The following EFNA5 variants were observed in gnomAD, a reference collection of about 807,000 sequenced individuals.
EFNA5 encodes ephrin-A5.
A neutral mutation model predicts 22.9 loss-of-function variants in EFNA5; 5 were observed. That is an observed-to-expected ratio of 0.22 (90% confidence interval 0.11 to 0.46). EFNA5 has a LOEUF of 0.46. Among genes scored for constraint, EFNA5 ranks in the 20% least tolerant of loss-of-function variants. The pLI, the probability that EFNA5 is intolerant of heterozygous loss-of-function variation, is 0.99. For synonymous variants in EFNA5, 113 were observed against 112.2 expected (o/e 1.01, Z -0.04); for missense variants, 237 against 293.3 (o/e 0.81, Z 1.40).
At chr5:107,435,593 T>C (rs1402614865) in intron 1 of EFNA5, among the ~76,000 whole-genome samples, 1 of 152,182 alleles carries the variant, frequency 6.6e-6, no homozygotes, top group Admixed American at 6.5e-5. Flanking sequence ...AGACCTTATA[T>C]GATGACCAAA....
chr5:107,521,103 C>A (rs1009156563), intron 1 of EFNA5, among the ~76,000 whole-genome samples: 1 of 152,046 alleles, frequency 6.6e-6, no homozygotes, highest in Non-Finnish European at 1.5e-5. Context: ...GATAAACGAA[C>A]TCATTGTGAG....
rs186280756 is a variant in EFNA5 at position 107,394,287 on chromosome 5, T to C, written c.419-6516A>G. ...AGCCCACTGCGTCTCAAGACTTAAA[T>C]CATGGGCAGGTTAAGGTCAGAGCCC... On this transcript the variant is annotated intron_variant, in intron 2 of 4. Coordinates refer to ENST00000333274, the MANE Select transcript of EFNA5 (RefSeq NM_001962.3). Among the ~76,000 whole-genome samples, 868 of 152,216 alleles carry C rather than the reference T, an allele frequency of 5.7e-3. 19 individuals carry two copies. The highest frequency in any genetic ancestry group is 0.051 in the Admixed American group (787 of 15,292).
intron 1 of EFNA5, among the ~76,000 whole-genome samples, chr5:107,472,995 T>A (rs1750185462): frequency 6.6e-6 from 1 of 152,028 alleles, no homozygotes; most frequent in Admixed American, 6.6e-5. Context: ...CCAGTCTCCC[T>A]CCCCCCAGCA....
intron 1 of EFNA5, among the ~76,000 whole-genome samples, chr5:107,469,370 A>G (rs1750077382): frequency 6.8e-6 from 1 of 147,590 alleles, no homozygotes; most frequent in South Asian, 2.1e-4. Flanking sequence ...GATTGATCTA[A>G]TTTTGGTATT....
chr5:107,591,951 A>AATATATAATATATATAATATATAAT (rs1749356256), intron 1 of EFNA5, among the ~76,000 whole-genome samples: 1 of 12,376 alleles, frequency 8.1e-5, no homozygotes, highest in Non-Finnish European at 1.1e-4. Context: ...TATTATATAT[A>AATATATAATATATATAATATATAAT]ATATATAATA....
intron 1 of EFNA5, among the ~76,000 whole-genome samples, chr5:107,480,661 G>C (rs904562282): frequency 1.3e-5 from 2 of 152,154 alleles, no homozygotes; most frequent in African/African-American, 4.8e-5. Flanking sequence ...AGCAAATAAA[G>C]CCTTAAAGAC....
intron 1 of EFNA5, among the ~76,000 whole-genome samples, chr5:107,633,888 C>T (rs1750314820): frequency 6.6e-6 from 1 of 152,122 alleles, no homozygotes; most frequent in African/African-American, 2.4e-5. Flanking sequence ...ATTTTTGGCC[C>T]TAGATCTAGC....
chr5:107,384,432 A>G (rs372225085), intron 4 of EFNA5, among the ~76,000 whole-genome samples: 1 of 152,334 alleles, frequency 6.6e-6, no homozygotes, highest in East Asian at 1.9e-4. Context: ...CAAGCAAACA[A>G]AAAAGACAAA....
intron 1 of EFNA5, among the ~76,000 whole-genome samples, chr5:107,575,696 A>T (rs564045576): frequency 6.6e-6 from 1 of 152,312 alleles, no homozygotes; most frequent in East Asian, 1.9e-4. Flanking sequence ...CTTACCCTTG[A>T]GGAGTTTACA....
chr5:107,516,364 G>A (rs993832467), intron 1 of EFNA5, among the ~76,000 whole-genome samples: 1 of 151,818 alleles, frequency 6.6e-6, no homozygotes, highest in Non-Finnish European at 1.5e-5. Flanking sequence ...AAGCAGCCAC[G>A]ATATACAGGA....
At chr5:107,428,415 AC>A (rs1429195175) in intron 1 of EFNA5, among the ~76,000 whole-genome samples, 6 of 152,282 alleles carry the variant, frequency 3.9e-5, no homozygotes, top group African/African-American at 1.4e-4. Flanking sequence ...CTGAATACAC[AC>A]ACCTCCCACC....
chr5:107,601,059 A>G (rs1188923021), intron 1 of EFNA5, among the ~76,000 whole-genome samples: 1 of 152,230 alleles, frequency 6.6e-6, no homozygotes, highest in Non-Finnish European at 1.5e-5. Context: ...CCTATAAAGT[A>G]TGTGGAAAAC....
chr5:107,509,228 T>TACAG (rs1747312404), intron 1 of EFNA5, among the ~76,000 whole-genome samples: 1 of 152,180 alleles, frequency 6.6e-6, no homozygotes, highest in African/African-American at 2.4e-5. Context: ...GATACCCTTT[T>TACAG]ACAGACTCTT....
At chr5:107,539,441 A>C (rs1242363997) in intron 1 of EFNA5, among the ~76,000 whole-genome samples, 2 of 152,144 alleles carry the variant, frequency 1.3e-5, no homozygotes, top group Non-Finnish European at 2.9e-5. Context: ...AAGCAGGGGA[A>C]GGAGAATCAC....
At chr5:107,457,824 C>T (rs1270659610) in intron 1 of EFNA5, among the ~76,000 whole-genome samples, 1 of 152,192 alleles carries the variant, frequency 6.6e-6, no homozygotes, top group Admixed American at 6.5e-5. Flanking sequence ...ACAACAAAAA[C>T]ATAGTGATCC....
rs186130486 is a variant in EFNA5 at position 107,542,911 on chromosome 5, G to A, written c.126-115402C>T. Among the ~76,000 whole-genome samples the A allele has an allele frequency of 2.2e-4, 33 of 151,994 alleles. No homozygotes were observed. In the East Asian group the frequency reaches 4.5e-3, roughly 21 times the overall value. On this transcript the variant is annotated intron_variant, in intron 1 of 4. Transcript: ENST00000333274. Reference sequence around the variant, plus strand: ...TATGTGTGACTTGTTCTTTCTATCCGGAATCACTCGGTTCAAATGCTCAGA... The same window carrying A: ...TATGTGTGACTTGTTCTTTCTATCCAGAATCACTCGGTTCAAATGCTCAGA...
At chr5:107,564,631 G>GTTTT (rs34585445) in intron 1 of EFNA5, among the ~76,000 whole-genome samples, 10 of 115,034 alleles carry the variant, frequency 8.7e-5, no homozygotes, top group African/African-American at 2.3e-4. Flanking sequence ...TTGGGTTTTT[G>GTTTT]TTTTTTTTTT....
chr5:107,629,182 CAAA>C (rs1159722472), intron 1 of EFNA5, among the ~76,000 whole-genome samples: 5 of 151,776 alleles, frequency 3.3e-5, no homozygotes, highest in African/African-American at 4.8e-5. Context: ...TCTACACACA[CAAA>C]AAATTCATCA....
intron 1 of EFNA5, among the ~76,000 whole-genome samples, chr5:107,606,026 A>C (rs1369731931): frequency 6.6e-6 from 1 of 152,202 alleles, no homozygotes; most frequent in Non-Finnish European, 1.5e-5. Context: ...CGAGCAGTGG[A>C]CTACACTTGT....
Sources: allele counts gnomAD v4.1 joint callset (sites outside exome capture counted in the v4.1 genomes callset), GRCh38; gene constraint gnomAD v4.1.1; transcripts MANE v1.5; gene names NCBI Gene and HGNC (gene_info 2026-07-23, HGNC 2026-07-21).